The following ATF2 variants were observed in gnomAD, a reference collection of about 807,000 sequenced individuals.
The protein encoded by ATF2 is cyclic AMP-dependent transcription factor ATF-2.
A neutral mutation model predicts 60.6 loss-of-function variants in ATF2; 24 were observed. The observed-to-expected ratio is 0.40, with a 90% CI of 0.29 to 0.56. The LOEUF (loss-of-function observed/expected upper bound fraction) is 0.56. Ranked by LOEUF, ATF2 falls within the 20% of genes least tolerant of loss-of-function variation. The probability of loss-of-function intolerance (pLI) is 0.54; values close to 1 mark genes in which losing one functional copy is unlikely to be tolerated. For synonymous variants in ATF2, 206 were observed against 215.4 expected (o/e 0.96, Z 0.38); for missense variants, 433 against 607.7 (o/e 0.71, Z 3.02).
intron 2 of ATF2, among the ~76,000 whole-genome samples, chr2:175,138,831 T>C (rs769470906): frequency 6.6e-6 from 1 of 152,236 alleles, no homozygotes; most frequent in Non-Finnish European, 1.5e-5. Context: ...ATCTATTATA[T>C]AATCTGTGTG....
intron 10 of ATF2, among the ~76,000 whole-genome samples, chr2:175,104,693 G>A (rs1322672326): frequency 1.3e-5 from 2 of 152,176 alleles, no homozygotes; most frequent in African/African-American, 4.8e-5. Context: ...TGGGATGACA[G>A]AATTGTTTAT....
At chr2:175,128,618 C>A (rs895907275) in intron 4 of ATF2, among the ~76,000 whole-genome samples, 3 of 151,868 alleles carry the variant, frequency 2.0e-5, no homozygotes, top group African/African-American at 7.2e-5. Context: ...AAGGAGAATA[C>A]CTTCATAATC....
chr2:175,150,939 C>T (rs540301019), intron 2 of ATF2, 121 bp downstream of exon 2: 26 of 152,556 alleles, frequency 1.7e-4, no homozygotes, highest in African/African-American at 4.8e-4. Flanking sequence ...ACTATCAATA[C>T]GGTAGGACTT....
intron 11 of ATF2, among the ~76,000 whole-genome samples, chr2:175,097,087 A>AT (rs1574354009): frequency 6.6e-6 from 1 of 152,232 alleles, no homozygotes; most frequent in Non-Finnish European, 1.5e-5. Context: ...TTCCAAAGTC[A>AT]TAACTCTATA....
chr2:175,129,269 C>T (rs963783353), intron 4 of ATF2, among the ~76,000 whole-genome samples: 2 of 152,124 alleles, frequency 1.3e-5, no homozygotes, highest in East Asian at 3.9e-4. Context: ...AACAAATCTA[C>T]AGTAACAGAA....
At chr2:175,119,549 ACT>A (rs918791507) in intron 5 of ATF2, among the ~76,000 whole-genome samples, 13 of 151,748 alleles carry the variant, frequency 8.6e-5, no homozygotes, top group Admixed American at 7.9e-4. Flanking sequence ...GTAATACAAA[ACT>A]AGACATAATG....
chr2:175,122,351 A>C (rs1697022029), intron 4 of ATF2, among the ~76,000 whole-genome samples: 1 of 152,016 alleles, frequency 6.6e-6, no homozygotes, highest in South Asian at 2.1e-4. Flanking sequence ...AACATTTATA[A>C]CTGAAAACAG....
chr2:175,164,220 A>T (rs1198921292), intron 1 of ATF2, among the ~76,000 whole-genome samples: 1 of 150,226 alleles, frequency 6.7e-6, no homozygotes, highest in African/African-American at 2.4e-5. Context: ...AACATTAAAT[A>T]TATTTATATT....
chr2:175,153,094 G>A (rs1471211197), intron 1 of ATF2, among the ~76,000 whole-genome samples: 5 of 151,460 alleles, frequency 3.3e-5, no homozygotes, highest in African/African-American at 1.2e-4. Context: ...AACTGGTATT[G>A]TCATTTCAAG....
chr2:175,082,236 T>C (rs2105543680), intron 12 of ATF2, among the ~76,000 whole-genome samples: 1 of 152,172 alleles, frequency 6.6e-6, no homozygotes, highest in African/African-American at 2.4e-5. Flanking sequence ...GAACAAAAAT[T>C]GATGCTCATA....
At chr2:175,099,235 C>T (rs1030178107) in intron 10 of ATF2, among the ~76,000 whole-genome samples, 3 of 151,562 alleles carry the variant, frequency 2.0e-5, no homozygotes, top group African/African-American at 4.9e-5. Context: ...TCCTGAGGAG[C>T]TGGGATTACA....
intron 2 of ATF2, among the ~76,000 whole-genome samples, chr2:175,142,710 AGAGAGAGAGAGT>A (rs1211132994): frequency 0.027 from 3,510 of 129,208 alleles, 124 homozygotes; most frequent in African/African-American, 0.092. Flanking sequence ...AGAGAGAGAG[AGAGAGAGAGAGT>A]GTGTGTGTGT....
chr2:175,100,387 A>C (rs1282002921), intron 10 of ATF2, among the ~76,000 whole-genome samples: 1 of 152,160 alleles, frequency 6.6e-6, no homozygotes, highest in Non-Finnish European at 1.5e-5. Flanking sequence ...TATGTTTCTG[A>C]ATTTTCAAAA....
At chr2:175,132,964 T>TA (rs761156879) in intron 3 of ATF2, among the ~76,000 whole-genome samples, 12 of 151,916 alleles carry the variant, frequency 7.9e-5, no homozygotes, top group Non-Finnish European at 1.3e-4. Flanking sequence ...CACACACCTG[T>TA]AGTCCCAGCT....
chr2:175,077,559 C>T (rs1022483777), intron 13 of ATF2, among the ~76,000 whole-genome samples: 17 of 152,174 alleles, frequency 1.1e-4, no homozygotes, highest in African/African-American at 4.1e-4. Flanking sequence ...TCAAGGGACA[C>T]ACCAGCTTTT....
chr2:175,102,005 T>G (rs1032421413), intron 10 of ATF2, among the ~76,000 whole-genome samples: 1 of 152,164 alleles, frequency 6.6e-6, no homozygotes, highest in African/African-American at 2.4e-5. Context: ...TTACAATTAA[T>G]GTAAGGATAT....
intron 2 of ATF2, among the ~76,000 whole-genome samples, chr2:175,140,993 T>A (rs1698467130): frequency 1.4e-5 from 1 of 70,508 alleles, no homozygotes; most frequent in Non-Finnish European, 2.4e-5. Context: ...CAAGACCCTA[T>A]CTCAGGAAAA....
chr2:175,153,671 A>G (rs1328567052), intron 1 of ATF2, among the ~76,000 whole-genome samples: 2 of 152,060 alleles, frequency 1.3e-5, no homozygotes, highest in Non-Finnish European at 2.9e-5. Context: ...TCTACTAAAA[A>G]TACAAAAAAT....
chr2:175,144,203 G>A (rs1698791010), intron 2 of ATF2, among the ~76,000 whole-genome samples: 2 of 152,140 alleles, frequency 1.3e-5, no homozygotes, highest in African/African-American at 4.8e-5. Flanking sequence ...CTCGTCGTTA[G>A]GTTCCTAATA....
Sources: allele counts gnomAD v4.1 joint callset (sites outside exome capture counted in the v4.1 genomes callset), GRCh38; gene constraint gnomAD v4.1.1; transcripts MANE v1.5; gene names NCBI Gene and HGNC (gene_info 2026-07-23, HGNC 2026-07-21).